Variants in FCHSD2 observed in about 807,000 individuals in gnomAD.
FCHSD2 encodes FCH and double SH3 domains 2.
In FCHSD2, 38 loss-of-function variants were observed where a neutral mutation model predicts 108.1. The ratio of observed to expected loss-of-function variants is 0.35; its 90% CI spans 0.27 to 0.46. The LOEUF (loss-of-function observed/expected upper bound fraction) is 0.46, where lower values mean the gene tolerates loss of function less well. Ranked by LOEUF, FCHSD2 falls within the 20% of genes least tolerant of loss-of-function variation. The pLI, the probability that FCHSD2 is intolerant of heterozygous loss-of-function variation, is 1.00. For missense variants in FCHSD2, 751 were observed against 897.8 expected (o/e 0.84, Z 2.09); for synonymous variants, 279 against 314.7 (o/e 0.89, Z 1.20).
chr11:72,877,815 G>A (rs1591363471), intron 12 of FCHSD2, among the ~76,000 whole-genome samples: 1 of 152,124 alleles, frequency 6.6e-6, no homozygotes, highest in East Asian at 1.9e-4. Flanking sequence ...AGACCAGCCT[G>A]AGAAACATGG....
At chr11:73,137,603 G>A (rs1350952878) in intron 2 of FCHSD2, among the ~76,000 whole-genome samples, 1 of 152,220 alleles carries the variant, frequency 6.6e-6, no homozygotes, top group African/African-American at 2.4e-5. Flanking sequence ...GACTTCATCT[G>A]AGGGAGGATG....
chr11:73,089,616 G>A (rs949503413), intron 2 of FCHSD2, among the ~76,000 whole-genome samples: 3 of 152,164 alleles, frequency 2.0e-5, no homozygotes, highest in Non-Finnish European at 2.9e-5. Context: ...AAAGAATGAA[G>A]TACTGATACA....
chr11:73,031,947 T>G (rs1354638847), intron 3 of FCHSD2, among the ~76,000 whole-genome samples: 2 of 152,346 alleles, frequency 1.3e-5, no homozygotes, highest in East Asian at 3.9e-4. Flanking sequence ...GTATGTATAT[T>G]CTGCCAGGGA....
intron 3 of FCHSD2, among the ~76,000 whole-genome samples, chr11:73,069,968 G>A (rs1417680038): frequency 6.6e-6 from 1 of 152,084 alleles, no homozygotes; most frequent in African/African-American, 2.4e-5. Context: ...AATAGATCAA[G>A]ACCAGGTAGA....
intron 10 of FCHSD2, among the ~76,000 whole-genome samples, chr11:72,900,943 T>C (rs1274007623): frequency 6.6e-6 from 1 of 152,260 alleles, no homozygotes; most frequent in African/African-American, 2.4e-5. Context: ...ATTGACAGAA[T>C]GTACTAATAA....
chr11:72,837,510 C>A lies in FCHSD2; in HGVS notation c.*1281G>T, dbSNP rs1282264015. The stretch of plus-strand genomic sequence containing the variant: ...CACAACCGGCGAACATCCCTTAGTC[C>A]CTAGGTATTGTGCTCCCTACCTTCT... On this transcript the variant is annotated 3_prime_UTR_variant, in exon 20 of 20. Coordinates refer to ENST00000409418, the MANE Select transcript of FCHSD2 (RefSeq NM_014824.3). The A allele has an allele frequency of 1.3e-5, 2 of 152,012 alleles. No homozygotes were observed. The highest frequency in any genetic ancestry group is 1.9e-4 in the East Asian group (1 of 5,194). 9.4% of individuals were successfully genotyped at this position (152,012 alleles called of 1,614,324 possible).
At chr11:73,128,029 A>G (rs1860900347) in intron 2 of FCHSD2, among the ~76,000 whole-genome samples, 1 of 151,152 alleles carries the variant, frequency 6.6e-6, no homozygotes, top group African/African-American at 2.4e-5. Flanking sequence ...AAAAAAAAAA[A>G]GGTTCACTGA....
At chr11:73,132,836 A>AC (rs1407753282) in intron 2 of FCHSD2, among the ~76,000 whole-genome samples, 2 of 151,732 alleles carry the variant, frequency 1.3e-5, no homozygotes, top group Non-Finnish European at 2.9e-5. Context: ...AAAAAAAAAA[A>AC]AAAAAACCTC....
rs1857841009 is a variant in FCHSD2, at chr11:73,010,584, T to C, written c.242+5225A>G. Among the ~76,000 whole-genome samples the C allele has an allele frequency of 1.3e-5, 2 of 152,250 alleles. 1 individual carries two copies. Among genetic ancestry groups the C allele is most frequent in the South Asian group, 4.1e-4 (2 of 4,834 alleles). On this transcript the variant is annotated intron_variant, in intron 4 of 19. Coordinates refer to ENST00000409418, the MANE Select transcript of FCHSD2 (RefSeq NM_014824.3). ...AAGATAGATCTATGGTGTTGTTTGG[T>C]AGGGCCCTTTGGCCTTGATTCTGGG...
At chr11:73,058,908 T>G (rs776227073) in intron 3 of FCHSD2, among the ~76,000 whole-genome samples, 20 of 152,156 alleles carry the variant, frequency 1.3e-4, no homozygotes, top group Non-Finnish European at 2.8e-4. Flanking sequence ...TACATCTTTT[T>G]TGGATCACTT....
intron 3 of FCHSD2, among the ~76,000 whole-genome samples, chr11:73,063,312 C>T (rs978731925): frequency 3.3e-5 from 5 of 152,128 alleles, no homozygotes; most frequent in African/African-American, 7.2e-5. Context: ...AAGGAACAAC[C>T]GGTACCAGCC....
At chr11:73,131,731 A>G (rs572142986) in intron 2 of FCHSD2, among the ~76,000 whole-genome samples, 1 of 152,022 alleles carries the variant, frequency 6.6e-6, no homozygotes, top group Non-Finnish European at 1.5e-5. Context: ...AAAAAATTTA[A>G]AAAATAAGAA....
At chr11:73,113,841 G>A (rs1860548194) in intron 2 of FCHSD2, among the ~76,000 whole-genome samples, 2 of 152,210 alleles carry the variant, frequency 1.3e-5, no homozygotes, top group African/African-American at 4.8e-5. Flanking sequence ...TTGAAAACTT[G>A]TAGTGGTACT....
At chr11:72,888,627 T>C (rs887355322) in intron 11 of FCHSD2, among the ~76,000 whole-genome samples, 1 of 151,902 alleles carries the variant, frequency 6.6e-6, no homozygotes, top group Admixed American at 6.6e-5. Flanking sequence ...TTCTTTCTTT[T>C]TTTTTTTTGG....
chr11:73,111,956 C>G (rs1378764997), intron 2 of FCHSD2, among the ~76,000 whole-genome samples: 1 of 152,098 alleles, frequency 6.6e-6, no homozygotes, highest in African/African-American at 2.4e-5. Flanking sequence ...CTGGATATGT[C>G]TTTAAAAGCT....
Position 72,843,223 on chromosome 11 carries a change from T to G in FCHSD2, c.1633A>C (p.Ser545Arg), listed in dbSNP as rs770462860. 5 of 1,614,024 alleles carry G rather than the reference T, an allele frequency of 3.1e-6. No individual in the cohort carries two copies. The highest frequency in any genetic ancestry group is 2.5e-6 in the Non-Finnish European group (3 of 1,179,892). The change falls in exon 16 of 20, where the codon AGT becomes CGT. Residue 545 changes from serine to arginine, a missense_variant. Physicochemically the swap from Ser to Arg is moderately radical, Grantham distance 110. Coordinates refer to ENST00000409418, the MANE Select transcript of FCHSD2 (RefSeq NM_014824.3). ...GAATTGCTGGACGTGTGTGACCGACTGTCCAAAGCGGCCAGGGACTGCAGC... is the reference window on the plus strand; with the variant it reads ...GAATTGCTGGACGTGTGTGACCGACGGTCCAAAGCGGCCAGGGACTGCAGC... Reference protein sequence around the residue: ...SMLQSLAALDSRSHTSSNSTE... With the variant: ...SMLQSLAALDRRSHTSSNSTE...
At chr11:73,029,124 A>G (rs1049657289) in intron 3 of FCHSD2, among the ~76,000 whole-genome samples, 4 of 152,212 alleles carry the variant, frequency 2.6e-5, no homozygotes, top group African/African-American at 9.7e-5. Context: ...TAAAAACGAT[A>G]AAATGCCATT....
At chr11:72,962,797 C>T (rs772221551) in intron 8 of FCHSD2, among the ~76,000 whole-genome samples, 42 of 151,688 alleles carry the variant, frequency 2.8e-4, no homozygotes, top group Non-Finnish European at 4.9e-4. Flanking sequence ...CACAAAGGTC[C>T]CTCCTATTTT....
intron 12 of FCHSD2, chr11:72,869,570 G>T (rs1180903847): frequency 6.6e-6 from 1 of 150,448 alleles, no homozygotes; most frequent in African/African-American, 2.4e-5. Flanking sequence ...TCACGAATTT[G>T]TGTGTCATCC....
Sources: gnomAD v4.1 joint callset for allele counts (sites outside exome capture counted in the v4.1 genomes callset) on GRCh38, gnomAD v4.1.1 for gene constraint, MANE v1.5 for transcripts, NCBI Gene and HGNC (gene_info 2026-07-23, HGNC 2026-07-21) for gene names.